Variants in ENTPD7 observed in about 807,000 individuals in gnomAD.
ENTPD7 encodes NTPDase 7.
Under a neutral mutation model 77.9 loss-of-function variants are expected in ENTPD7, and 53 were observed. The ratio of observed to expected loss-of-function variants is 0.68; its 90% CI spans 0.55 to 0.85. The LOEUF (loss-of-function observed/expected upper bound fraction) is 0.85. Ranked by LOEUF, ENTPD7 falls within the 40% of genes least tolerant of loss-of-function variation. ENTPD7 has a pLI of 0.00. For synonymous variants in ENTPD7, 248 were observed against 274.9 expected (o/e 0.90, Z 0.97); for missense variants, 636 against 743.7 (o/e 0.86, Z 1.68).
At chr10:99,683,810 CA>C (rs1382755165) in intron 5 of ENTPD7, among the ~76,000 whole-genome samples, 1 of 152,108 alleles carries the variant, frequency 6.6e-6, no homozygotes, top group Non-Finnish European at 1.5e-5. Flanking sequence ...TATAGTATTA[CA>C]TTGCATGGCT....
rs781540801 is a variant in ENTPD7 at position 99,659,524 on chromosome 10, G to C, written c.-160G>C. ...GGCCCTCCTTCCGGCTGGGCAAGGG[G>C]CCGCGGGGAGCAGCTCGGGACTGAA... On this transcript the variant is annotated 5_prime_UTR_variant, in exon 1 of 13. Transcript: ENST00000370489. The surrounding 1 kb of genome is among the most constrained non-coding windows in gnomAD (Gnocchi z 4.1). 4.9e-4 allele frequency: 76 copies of C among 155,628 alleles called. 1 individual carries two copies. The highest frequency in any genetic ancestry group is 8.2e-4 in the Non-Finnish European group (58 of 70,394). 9.6% of individuals were successfully genotyped at this position (155,628 alleles called of 1,614,324 possible).
intron 2 of ENTPD7, 137 bp downstream of exon 2, chr10:99,660,101 A>G: frequency 7.5e-7 from 1 of 1,340,294 alleles, no homozygotes; most frequent in Non-Finnish European, 1.0e-6. Flanking sequence ...AGTTGGATGC[A>G]GAGACGATCA....
chr10:99,685,730 G>T, intron 5 of ENTPD7, 62 bp from the exon 6 acceptor site: 1 of 1,218,636 alleles, frequency 8.2e-7, no homozygotes. Context: ...AGGACAAGTT[G>T]AGGCAGTTTA....
At chr10:99,698,484 A>G in intron 9 of ENTPD7, 50 bp from the exon 10 acceptor site, 1 of 1,553,230 alleles carries the variant, frequency 6.4e-7, no homozygotes, top group Non-Finnish European at 8.8e-7. Flanking sequence ...ACTAGGTTGA[A>G]TACAGGCATG....
chr10:99,661,627 A>C lies in ENTPD7; in HGVS notation c.190A>C (p.Arg64=). 2 of 1,601,748 alleles carry C rather than the reference A, an allele frequency of 1.2e-6. No homozygotes were observed. Among genetic ancestry groups the C allele is most frequent in the Non-Finnish European group, 1.7e-6 (2 of 1,174,964 alleles). ...ATTACCACGAGATAGGCAATACGAA[A>C]GGTGAGTCAGCTTTAGATTTTGGCA... ...ASLPRDRQYE[R]YLARVGELEA... Residue 64 remains arginine (R), a splice_region_variant and synonymous_variant, in exon 3 of 13, where the codon AGG becomes CGG. Transcript: ENST00000370489.
chr10:99,697,658 C>T lies in ENTPD7; in HGVS notation c.1011-876C>T, dbSNP rs78940415. 335 of 158,100 alleles carry T rather than the reference C, an allele frequency of 2.1e-3. 2 individuals are homozygous for T. Among genetic ancestry groups the T allele is most frequent in the Non-Finnish European group, 3.5e-3 (247 of 70,604 alleles). 9.8% of individuals were successfully genotyped at this position (158,100 alleles called of 1,614,324 possible). ...TGAGTTTTCCTTACAGTTGGTGTCACATCCTTAAAATAGTCGGTTCCAGTT... is the reference window on the plus strand; with the variant it reads ...TGAGTTTTCCTTACAGTTGGTGTCATATCCTTAAAATAGTCGGTTCCAGTT... On this transcript the variant is annotated intron_variant, in intron 9 of 12. Coordinates refer to ENST00000370489, the MANE Select transcript of ENTPD7 (RefSeq NM_020354.5).
In ENTPD7 at chr10:99,710,293, T is replaced by C; in HGVS notation, c.*5610T>C. ...GGGATCCCAGACACATACTTTGGTT[T>C]CTAGTGTTTCAGTTACTATGTTGTA... On this transcript the variant is annotated 3_prime_UTR_variant, in exon 13 of 13. Transcript: ENST00000370489. 1.0e-6 allele frequency: 1 copy of C among 985,450 alleles called. No individual in the cohort carries two copies. The allele number at this position is 985,450 out of a possible 1,614,324, so 61.0% of individuals were successfully genotyped here. A position where few individuals can be genotyped will look rare whatever the true frequency, so the allele number is the denominator to read the frequency against.
intron 3 of ENTPD7, among the ~76,000 whole-genome samples, chr10:99,662,303 A>C (rs370187933): frequency 3.4e-4 from 51 of 151,544 alleles, no homozygotes; most frequent in South Asian, 1.7e-3. Flanking sequence ...TTTCCATTTT[A>C]TCTCTCATGT....
chr10:99,695,229 A>T (rs1480691605), intron 8 of ENTPD7, among the ~76,000 whole-genome samples: 1 of 152,176 alleles, frequency 6.6e-6, no homozygotes, highest in African/African-American at 2.4e-5. Flanking sequence ...GGATAATGTT[A>T]GAAAAGGCCA....
At position 99,678,732 on chromosome 10, in the gene ENTPD7, G is replaced by A. The variant is rs7099024; in HGVS notation, c.192-529G>A. Among the ~76,000 whole-genome samples the A allele has an allele frequency of 6.4e-3, 940 of 147,322 alleles. 12 individuals are homozygous for A. The highest frequency in any genetic ancestry group is 0.022 in the African/African-American group (864 of 39,720). On this transcript the variant is annotated intron_variant, in intron 3 of 12. Transcript: ENST00000370489. ...GCAGAGGTTGCAGTGAGCTGAGATC[G>A]TGCCACTGCGCTCCAGTCTGGGTGA...
At chr10:99,686,953 T>G (rs2133471453) in intron 6 of ENTPD7, among the ~76,000 whole-genome samples, 1 of 150,916 alleles carries the variant, frequency 6.6e-6, no homozygotes, top group East Asian at 1.9e-4. Flanking sequence ...AGTTGCACTC[T>G]TGTTACCAAC....
In ENTPD7 at chr10:99,708,776, C is replaced by A. The variant is rs2036301275; in HGVS notation, c.*4093C>A. ...ATTTATATGGGTGATAAAACTGAGG[C>A]CTAGAGCAGTTGTAATATGTGCAAA... On this transcript the variant is annotated 3_prime_UTR_variant, in exon 13 of 13. Coordinates refer to ENST00000370489, the MANE Select transcript of ENTPD7 (RefSeq NM_020354.5). The A allele has an allele frequency of 1.0e-6, 1 of 960,882 alleles. No homozygotes were observed. Among genetic ancestry groups the A allele is most frequent in the African/African-American group, 1.8e-5 (1 of 56,822 alleles). The allele number at this position is 960,882 out of a possible 1,614,324, so 59.5% of individuals were successfully genotyped here. A position where few individuals can be genotyped will look rare whatever the true frequency, so the allele number is the denominator to read the frequency against.
At position 99,679,612 on chromosome 10, in the gene ENTPD7, A is replaced by G; in HGVS notation, c.398-113A>G. On this transcript the variant is annotated intron_variant, in intron 4 of 12. Coordinates refer to ENST00000370489, the MANE Select transcript of ENTPD7 (RefSeq NM_020354.5). ...TTTCATTGTCACCCCCTACCTCTCAAATAAATAAATGTTTAGGACCTTGAG... is the reference window on the plus strand; with the variant it reads ...TTTCATTGTCACCCCCTACCTCTCAGATAAATAAATGTTTAGGACCTTGAG... The G allele has an allele frequency of 6.9e-7, 1 of 1,459,112 alleles. No homozygotes were observed. Among genetic ancestry groups the G allele is most frequent in the East Asian group, 2.3e-5 (1 of 43,618 alleles). 90.4% of individuals were successfully genotyped at this position (1,459,112 alleles called of 1,614,324 possible).
intron 11 of ENTPD7, among the ~76,000 whole-genome samples, 157 bp downstream of exon 11, chr10:99,701,215 C>G (rs1435598482): frequency 2.6e-5 from 4 of 151,960 alleles, no homozygotes; most frequent in Non-Finnish European, 4.4e-5. Flanking sequence ...AAATAGTGAG[C>G]CTATTATAGC....
In ENTPD7 at chr10:99,695,993, TG is replaced by T. The variant is rs1277629216; in HGVS notation, c.884del (p.Gly295AlafsTer35). 6 of 1,613,772 alleles carry T rather than the reference TG, an allele frequency of 3.7e-6. No individual in the cohort carries two copies. Among genetic ancestry groups the T allele is most frequent in the Middle Eastern group, 1.6e-4 (1 of 6,084 alleles). ...AAKILLAEFN[L>X]GCDVQHTEHV... Reference sequence around the variant, plus strand: ...AAGATCCTGCTGGCTGAGTTCAACCTGGGCTGTGATGTGCAACACACTGAAC... The same window carrying T: ...AAGATCCTGCTGGCTGAGTTCAACCTGGCTGTGATGTGCAACACACTGAAC... On this transcript the variant is annotated frameshift_variant, in exon 9 of 13. Coordinates refer to ENST00000370489, the MANE Select transcript of ENTPD7 (RefSeq NM_020354.5). LOFTEE classifies it high-confidence loss of function.
At chr10:99,660,360 A>G in intron 2 of ENTPD7, 1 of 1,159,928 alleles carries the variant, frequency 8.6e-7, no homozygotes, top group Non-Finnish European at 1.1e-6. Context: ...TGAACTTCAC[A>G]GATGAATACA....
intron 3 of ENTPD7, among the ~76,000 whole-genome samples, chr10:99,670,993 G>T (rs2035613467): frequency 6.6e-6 from 1 of 151,880 alleles, no homozygotes; most frequent in South Asian, 2.1e-4. Context: ...ACTCCATCCT[G>T]GGCAACAGAG....
intron 12 of ENTPD7, 74 bp downstream of exon 12, chr10:99,702,747 CT>C (rs1262699071): frequency 0.044 from 45,715 of 1,037,440 alleles, no homozygotes; most frequent in South Asian, 0.065. Flanking sequence ...CGGTTTCTTT[CT>C]TTTTTTTTTT....
Position 99,688,747 on chromosome 10 carries a change from G to A in ENTPD7, c.706G>A (p.Asp236Asn). ...TGTTTTGGGAAGATTCGACCACGAG[G>A]ATGGTGAGTAATATTGTCTTTTTAT... ...NFVLGRFDHE[D>N]ESDAEATQEL... is the part of the protein sequence containing the mutation. Residue 236 changes from aspartate (D) to asparagine (N), a missense_variant, in exon 7 of 13, where the codon GAT becomes AAT. Physicochemically the swap from Asp to Asn is conservative, Grantham distance 23. Around this residue, in one of 3 missense-constraint regions of ENTPD7, gnomAD observed 486 missense variants for 556.5 expected, o/e 0.87. Coordinates refer to ENST00000370489, the MANE Select transcript of ENTPD7 (RefSeq NM_020354.5). The A allele has an allele frequency of 6.2e-7, 1 of 1,613,892 alleles. No homozygotes were observed. The highest frequency in any genetic ancestry group is 1.1e-5 in the South Asian group (1 of 91,084).
Sources: gnomAD v4.1 joint callset for allele counts (sites outside exome capture counted in the v4.1 genomes callset) on GRCh38, gnomAD v4.1.1 for gene constraint, gnomAD v4.1.1 regional missense constraint, Gnocchi (gnomAD v3.1) non-coding constraint, MANE v1.5 for transcripts, NCBI Gene and HGNC (gene_info 2026-07-23, HGNC 2026-07-21) for gene names.